The following PIRT variants were observed in gnomAD, a reference collection of about 807,000 sequenced individuals.
The protein encoded by PIRT is phosphoinositide interacting regulator of transient receptor potential channels, also known as phosphoinositide-interacting protein.
Under a neutral mutation model 7.9 loss-of-function variants are expected in PIRT, and 6 were observed. The observed-to-expected ratio is 0.76, with a 90% CI of 0.42 to 1.51. The LOEUF is 1.51. PIRT is among the 40% of genes most tolerant of loss of function. The probability of loss-of-function intolerance (pLI) is 0.01; values close to 1 mark genes in which losing one functional copy is unlikely to be tolerated. For missense variants in PIRT, 170 were observed against 172.9 expected (o/e 0.98, Z 0.09); for synonymous variants, 78 against 71.8 (o/e 1.09, Z -0.44).
Position 10,822,718 on chromosome 17 carries a change from A to G in PIRT, c.*2514T>C, listed in dbSNP as rs750804825. 1.3e-5 allele frequency: 2 copies of G among 152,164 alleles called. No individual in the cohort carries two copies. The highest frequency in any genetic ancestry group is 4.8e-5 in the African/African-American group (2 of 41,440). 9.4% of individuals were successfully genotyped at this position (152,164 alleles called of 1,614,324 possible). A position where few individuals can be genotyped will look rare whatever the true frequency, so the allele number is the denominator to read the frequency against. On this transcript the variant is annotated 3_prime_UTR_variant, in exon 2 of 2. Transcript: ENST00000580256. Reference sequence around the variant, plus strand: ...AGGTGCATCCGTACCTCAGCCTTCCATGGGGTAACAGGCATTGGCAAAAAA... The same window carrying G: ...AGGTGCATCCGTACCTCAGCCTTCCGTGGGGTAACAGGCATTGGCAAAAAA...
intron 1 of PIRT, among the ~76,000 whole-genome samples, chr17:10,836,741 C>T (rs914674613): frequency 5.3e-5 from 8 of 152,142 alleles, no homozygotes; most frequent in African/African-American, 1.4e-4. Context: ...CACACATTAC[C>T]TCACTGCTGG....
intron 1 of PIRT, among the ~76,000 whole-genome samples, chr17:10,836,303 G>A (rs939646433): frequency 6.6e-6 from 1 of 151,972 alleles, no homozygotes; most frequent in Non-Finnish European, 1.5e-5. Context: ...CCCTACACCT[G>A]TACATCTCCA....
intron 1 of PIRT, among the ~76,000 whole-genome samples, chr17:10,832,545 C>T (rs557847241): frequency 3.9e-5 from 6 of 152,280 alleles, no homozygotes; most frequent in African/African-American, 1.4e-4. Flanking sequence ...ACTACTGGCA[C>T]AGTACACTTG....
At chr17:10,835,583 C>T (rs558248371) in intron 1 of PIRT, among the ~76,000 whole-genome samples, 3 of 152,316 alleles carry the variant, frequency 2.0e-5, no homozygotes, top group Non-Finnish European at 2.9e-5. Context: ...GGGAGGATGC[C>T]CAAAGTGGGA....
Position 10,825,511 on chromosome 17 carries a change from G to A in PIRT, c.135C>T (p.Pro45=). ...TGCGGTAGATTTCCCAGTTACTCCT[G>A]GGGGTGGTGGTCCAGACAGACTCGC... ...SRSESVWTTT[P]RSNWEIYRKP... is the part of the protein sequence containing the mutation. Residue 45 remains proline (P), a synonymous_variant, in exon 2 of 2, where the codon CCC becomes CCT. Transcript: ENST00000580256. 6.2e-7 allele frequency: 1 copy of A among 1,613,590 alleles called. No homozygotes were observed.
intron 1 of PIRT, among the ~76,000 whole-genome samples, chr17:10,832,428 C>G (rs567448236): frequency 6.6e-6 from 1 of 152,010 alleles, no homozygotes; most frequent in Non-Finnish European, 1.5e-5. Flanking sequence ...CCCAACCTCA[C>G]GTGATCCGCC....
At chr17:10,834,676 C>T (rs564974220) in intron 1 of PIRT, among the ~76,000 whole-genome samples, 8 of 152,280 alleles carry the variant, frequency 5.3e-5, no homozygotes, top group African/African-American at 1.4e-4. Flanking sequence ...ACAGCAACCT[C>T]TGCCTCCCGG....
At chr17:10,835,903 AT>A (rs71139073) in intron 1 of PIRT, among the ~76,000 whole-genome samples, 19,124 of 140,434 alleles carry the variant, frequency 0.14, 1,430 homozygotes, top group Non-Finnish European at 0.2. Context: ...CCAAATCCTG[AT>A]TTTTTTTTTT....
intron 1 of PIRT, among the ~76,000 whole-genome samples, chr17:10,833,595 A>G (rs917598466): frequency 2.6e-5 from 4 of 152,166 alleles, no homozygotes; most frequent in African/African-American, 9.7e-5. Flanking sequence ...TCTGCTAAAA[A>G]TACAAAAAAT....
At position 10,836,909 on chromosome 17, in the gene PIRT, C is replaced by A. The variant is rs189895157; in HGVS notation, c.-139+1036G>T. On this transcript the variant is annotated intron_variant, in intron 1 of 1. Coordinates refer to ENST00000580256, the MANE Select transcript of PIRT (RefSeq NM_001101387.2). ...CACGGAGTCCCCATTAAGGCCCCAC[C>A]CAGCTCCAGCTTGCCAGTGGTCATC... is the stretch of plus-strand genomic sequence containing the variant. Among the ~76,000 whole-genome samples the A allele has an allele frequency of 2.5e-3, 379 of 152,302 alleles. 1 individual carries two copies. The highest frequency in any genetic ancestry group is 8.4e-3 in the African/African-American group (350 of 41,568).
intron 1 of PIRT, among the ~76,000 whole-genome samples, chr17:10,829,329 C>A (rs1447533267): frequency 6.6e-6 from 1 of 151,998 alleles, no homozygotes; most frequent in African/African-American, 2.4e-5. Context: ...TGGGAGCTGC[C>A]ATCTGGGAGT....
At chr17:10,833,838 T>G (rs991995537) in intron 1 of PIRT, among the ~76,000 whole-genome samples, 8 of 151,778 alleles carry the variant, frequency 5.3e-5, no homozygotes, top group Non-Finnish European at 2.9e-5. Flanking sequence ...TAAATAAACA[T>G]TACATATAAC....
chr17:10,823,364 C>T lies in PIRT; in HGVS notation c.*1868G>A, dbSNP rs1905245717. 6.6e-6 allele frequency: 1 copy of T among 152,410 alleles called. No individual in the cohort carries two copies. The highest frequency in any genetic ancestry group is 1.5e-5 in the Non-Finnish European group (1 of 68,074). The allele number at this position is 152,410 out of a possible 1,614,324, so 9.4% of individuals were successfully genotyped here. On this transcript the variant is annotated 3_prime_UTR_variant, in exon 2 of 2. Transcript: ENST00000580256. ...GTGAGCCTCAACGGCCATGAGTTCC[C>T]CAAACTCTGACTCCGTGGGTGGGTC... is the stretch of plus-strand genomic sequence containing the variant.
intron 1 of PIRT, among the ~76,000 whole-genome samples, chr17:10,830,003 C>CTATCTATT (rs1555543414): frequency 8.6e-4 from 123 of 143,384 alleles, no homozygotes; most frequent in African/African-American, 2.9e-3. Flanking sequence ...ATCTATCTAT[C>CTATCTATT]TATCTATCAT....
At chr17:10,828,097 A>C (rs1905377324) in intron 1 of PIRT, among the ~76,000 whole-genome samples, 2 of 152,146 alleles carry the variant, frequency 1.3e-5, no homozygotes, top group Non-Finnish European at 2.9e-5. Context: ...AAGGACAAAC[A>C]CAGGACCTGC....
At position 10,825,184 on chromosome 17, in the gene PIRT, A is replaced by T. The variant is rs746515576; in HGVS notation, c.*48T>A. 6.3e-7 allele frequency: 1 copy of T among 1,590,338 alleles called. No individual in the cohort carries two copies. On this transcript the variant is annotated 3_prime_UTR_variant, in exon 2 of 2. Transcript: ENST00000580256. ...GAGACAGGGATGTCGGATGTTGGTCATCAGATCTTCTCCCAGTCAAGGTGG... is the reference window on the plus strand; with the variant it reads ...GAGACAGGGATGTCGGATGTTGGTCTTCAGATCTTCTCCCAGTCAAGGTGG...
At chr17:10,831,814 C>T (rs1044688656) in intron 1 of PIRT, among the ~76,000 whole-genome samples, 1 of 152,214 alleles carries the variant, frequency 6.6e-6, no homozygotes, top group Non-Finnish European at 1.5e-5. Flanking sequence ...CAGGAGAAGC[C>T]TGGAGTTGCA....
intron 1 of PIRT, among the ~76,000 whole-genome samples, chr17:10,834,183 AAG>A (rs1284985806): frequency 1.1e-4 from 17 of 152,304 alleles, no homozygotes; most frequent in Admixed American, 2.0e-4. Flanking sequence ...AAAAATAAAA[AAG>A]AAAAAAAAGA....
chr17:10,831,745 C>T (rs1222721973), intron 1 of PIRT, among the ~76,000 whole-genome samples: 1 of 152,206 alleles, frequency 6.6e-6, no homozygotes, highest in Non-Finnish European at 1.5e-5. Flanking sequence ...CCTTTAAGGT[C>T]CTGATGCCCC....
Sources: allele counts gnomAD v4.1 joint callset (sites outside exome capture counted in the v4.1 genomes callset), GRCh38; gene constraint gnomAD v4.1.1; transcripts MANE v1.5; gene names NCBI Gene and HGNC (gene_info 2026-07-23, HGNC 2026-07-21).